The following PPP2R3A variants were observed in gnomAD, a reference collection of about 807,000 sequenced individuals.
The protein encoded by PPP2R3A is serine/threonine-protein phosphatase 2A regulatory subunit B'' subunit alpha.
In PPP2R3A, 80 loss-of-function variants were observed where a neutral mutation model predicts 106.9. The ratio of observed to expected loss-of-function variants is 0.75; its 90% CI spans 0.62 to 0.90. PPP2R3A has a LOEUF of 0.90. PPP2R3A is among the 40% of genes least tolerant of loss of function. PPP2R3A has a pLI of 0.00. For missense variants in PPP2R3A, 1,386 were observed against 1,350.4 expected (o/e 1.03, Z -0.41); for synonymous variants, 483 against 468.3 (o/e 1.03, Z -0.41).
intron 1 of PPP2R3A, among the ~76,000 whole-genome samples, chr3:135,968,145 T>C (rs1020472270): frequency 1.3e-5 from 2 of 152,206 alleles, no homozygotes; most frequent in Non-Finnish European, 2.9e-5. Flanking sequence ...TTAACAGATT[T>C]CTGAAGGCCT....
At chr3:136,116,811 A>T (rs116731423) in intron 13 of PPP2R3A, among the ~76,000 whole-genome samples, 6 of 151,906 alleles carry the variant, frequency 3.9e-5, no homozygotes, top group Non-Finnish European at 5.9e-5. Context: ...TAACACCCCA[A>T]TGTCAGTATT....
chr3:136,118,396 G>C (rs533832442), intron 13 of PPP2R3A, among the ~76,000 whole-genome samples: 1 of 152,300 alleles, frequency 6.6e-6, no homozygotes, highest in South Asian at 2.1e-4. Flanking sequence ...GCAACAGAAA[G>C]AAATAAATGG....
At chr3:136,024,074 A>G (rs1222513984) in intron 2 of PPP2R3A, among the ~76,000 whole-genome samples, 3 of 152,160 alleles carry the variant, frequency 2.0e-5, no homozygotes, top group Non-Finnish European at 4.4e-5. Flanking sequence ...ATAATAGCAC[A>G]AGGATACTAT....
chr3:136,064,659 A>G (rs1936201466), intron 5 of PPP2R3A, among the ~76,000 whole-genome samples: 1 of 152,198 alleles, frequency 6.6e-6, no homozygotes, highest in South Asian at 2.1e-4. Flanking sequence ...AAGAATGAAA[A>G]AACTATATAA....
Position 136,115,942 on chromosome 3 carries a change from C to T in PPP2R3A, c.3329+9620C>T, listed in dbSNP as rs115167968. 6.6e-3 allele frequency among the ~76,000 whole-genome samples: 1,000 copies of T among 151,752 alleles called. 15 individuals carry two copies. The highest frequency in any genetic ancestry group is 0.023 in the African/African-American group (945 of 41,382). The stretch of plus-strand genomic sequence containing the variant: ...GAAGAGCAACCCCGAGACTTGTAAG[C>T]GTCAAATTCACCAAGGCTGAAATGA... On this transcript the variant is annotated intron_variant, in intron 13 of 13. Transcript: ENST00000264977.
intron 13 of PPP2R3A, among the ~76,000 whole-genome samples, chr3:136,130,601 T>C (rs1268146531): frequency 6.6e-6 from 1 of 152,176 alleles, no homozygotes; most frequent in African/African-American, 2.4e-5. Flanking sequence ...AATTTATAGA[T>C]GCAGTGCCAT....
At position 136,045,642 on chromosome 3, in the gene PPP2R3A, C is replaced by CA. The variant is rs1221317084; in HGVS notation, c.2367-3610dup. Among the ~76,000 whole-genome samples the CA allele has an allele frequency of 1.2e-4, 18 of 152,206 alleles. 1 individual carries two copies. In the South Asian group the frequency reaches 2.9e-3, roughly 25 times the overall value. On this transcript the variant is annotated intron_variant, in intron 4 of 13. Transcript: ENST00000264977. Reference sequence around the variant, plus strand: ...GAAGTTCTCACTGCTATCTGCTGGCCAAAAAAACCTAGGCTGTGGGCACCA... The same window carrying CA: ...GAAGTTCTCACTGCTATCTGCTGGCCAAAAAAAACCTAGGCTGTGGGCACCA...
intron 13 of PPP2R3A, among the ~76,000 whole-genome samples, chr3:136,127,537 T>C (rs1318055092): frequency 3.3e-5 from 5 of 152,164 alleles, no homozygotes; most frequent in African/African-American, 4.8e-5. Flanking sequence ...CGACATCTGA[T>C]TGGTGTACCT....
chr3:136,061,926 CAAAAAAAAAAA>C (rs369373163), intron 5 of PPP2R3A, among the ~76,000 whole-genome samples: 1 of 84,164 alleles, frequency 1.2e-5, no homozygotes, highest in Non-Finnish European at 2.5e-5. Context: ...GACTCTATCT[CAAAAAAAAAAA>C]AAAAAAAAAC....
chr3:136,139,849 A>T (rs755537158), intron 13 of PPP2R3A, among the ~76,000 whole-genome samples: 31 of 150,676 alleles, frequency 2.1e-4, no homozygotes, highest in Non-Finnish European at 3.5e-4. Flanking sequence ...TACTAAAAAT[A>T]AAAAAAATTA....
At chr3:136,010,299 C>T (rs1487700935) in intron 2 of PPP2R3A, among the ~76,000 whole-genome samples, 3 of 145,970 alleles carry the variant, frequency 2.1e-5, no homozygotes, top group African/African-American at 7.6e-5. Context: ...CACTCTATTG[C>T]CCAGGCTGGA....
intron 3 of PPP2R3A, among the ~76,000 whole-genome samples, chr3:136,035,729 T>A (rs1161967642): frequency 6.6e-6 from 1 of 152,234 alleles, no homozygotes; most frequent in African/African-American, 2.4e-5. Flanking sequence ...GTGATGAATT[T>A]CCCAGATGTT....
At chr3:136,134,044 A>G (rs1215631527) in intron 13 of PPP2R3A, among the ~76,000 whole-genome samples, 1 of 152,212 alleles carries the variant, frequency 6.6e-6, no homozygotes, top group Non-Finnish European at 1.5e-5. Context: ...TTTTTAAAAC[A>G]TAAGTTTTAA....
At chr3:135,988,933 G>A (rs148436263) in intron 1 of PPP2R3A, among the ~76,000 whole-genome samples, 19 of 152,154 alleles carry the variant, frequency 1.2e-4, no homozygotes, top group African/African-American at 4.1e-4. Flanking sequence ...CATTAGTGAC[G>A]CCAAGTTTGT....
At chr3:136,041,535 C>A (rs1001465975) in intron 4 of PPP2R3A, among the ~76,000 whole-genome samples, 62 of 151,950 alleles carry the variant, frequency 4.1e-4, no homozygotes, top group African/African-American at 1.2e-3. Flanking sequence ...AGGTGTGAAC[C>A]CCACACCCAG....
At chr3:135,999,487 A>T (rs1403014240) in intron 1 of PPP2R3A, among the ~76,000 whole-genome samples, 1 of 152,206 alleles carries the variant, frequency 6.6e-6, no homozygotes, top group East Asian at 1.9e-4. Context: ...TGGTCTGAAT[A>T]AAAAGGCAGA....
rs56962010 is a variant in PPP2R3A, at chr3:136,010,417, A to ATTTT, written c.1995+6948_1995+6951dup. 4.4e-3 allele frequency among the ~76,000 whole-genome samples: 226 copies of ATTTT among 51,002 alleles called. 58 individuals are homozygous for ATTTT. Among genetic ancestry groups the ATTTT allele is most frequent in the African/African-American group, 0.02 (211 of 10,354 alleles). The allele number at this position is 51,002 out of a possible 152,430, so 33.5% of individuals were successfully genotyped here. On this transcript the variant is annotated intron_variant, in intron 2 of 13. Coordinates refer to ENST00000264977, the MANE Select transcript of PPP2R3A (RefSeq NM_002718.5). ...AGGCGCATGCCATCACGCTCGGCTA[A>ATTTT]TTTTTTTTTTTTTTTTTTTTTTTTT...
intron 13 of PPP2R3A, among the ~76,000 whole-genome samples, chr3:136,131,704 TAC>T (rs1416382546): frequency 6.6e-6 from 1 of 152,112 alleles, no homozygotes; most frequent in Admixed American, 6.5e-5. Context: ...CTTAGACACA[TAC>T]ACACATATAA....
In PPP2R3A at chr3:136,027,115, AT is replaced by A; in HGVS notation, c.2262+18del. Reference sequence around the variant, plus strand: ...ATTGCAAAGGTAATGTAACTACTAAATGATTTACAATCTCCCCTTCTTTAGA... The same window carrying A: ...ATTGCAAAGGTAATGTAACTACTAAAGATTTACAATCTCCCCTTCTTTAGA... On this transcript the variant is annotated intron_variant, in intron 3 of 13. Coordinates refer to ENST00000264977, the MANE Select transcript of PPP2R3A (RefSeq NM_002718.5). The A allele has an allele frequency of 6.3e-7, 1 of 1,595,868 alleles. No individual in the cohort carries two copies. Among genetic ancestry groups the A allele is most frequent in the Non-Finnish European group, 8.6e-7 (1 of 1,169,562 alleles).
Sources: allele counts gnomAD v4.1 joint callset (sites outside exome capture counted in the v4.1 genomes callset), GRCh38; gene constraint gnomAD v4.1.1; transcripts MANE v1.5; gene names NCBI Gene and HGNC (gene_info 2026-07-23, HGNC 2026-07-21).